MAF: variants seen among roughly 807,000 people sequenced by gnomAD.
The protein encoded by MAF is MAF bZIP transcription factor, also known as transcription factor Maf.
Under a neutral mutation model 22.0 loss-of-function variants are expected in MAF, and 10 were observed. The ratio of observed to expected loss-of-function variants is 0.45; its 90% CI spans 0.28 to 0.77. The LOEUF (loss-of-function observed/expected upper bound fraction) is 0.77, where lower values mean the gene tolerates loss of function less well. Ranked by LOEUF, MAF falls within the 30% of genes least tolerant of loss-of-function variation. MAF has a pLI of 0.12. For missense variants in MAF, 544 were observed against 548.4 expected, an observed-to-expected ratio of 0.99 and a Z score of 0.08; for synonymous variants, 337 against 255.8, an observed-to-expected ratio of 1.32 and a Z score of -3.03.
At chr16:79,206,252 G>A in the MAF span, 1 of 152,272 alleles carries the variant, frequency 6.6e-6, no homozygotes, top group African/African-American at 2.4e-5. Context: ...CGGCAGAGCA[G>A]GCAGAGAGGC....
chr16:79,231,377 T>C, the MAF span, among the ~76,000 whole-genome samples: 2 of 152,054 alleles, frequency 1.3e-5, no homozygotes, highest in Non-Finnish European at 2.9e-5. Flanking sequence ...ACATCAGATA[T>C]AAACCTGAAA....
downstream of MAF, among the ~76,000 whole-genome samples, chr16:79,584,695 C>T (rs1433707474): frequency 6.6e-6 from 1 of 152,130 alleles, no homozygotes; most frequent in Non-Finnish European, 1.5e-5. Flanking sequence ...ATCGGAACTG[C>T]ATGCACAGAC....
chr16:79,219,329 C>T, the MAF span, among the ~76,000 whole-genome samples: 1 of 152,020 alleles, frequency 6.6e-6, no homozygotes, highest in East Asian at 1.9e-4. Context: ...CACCATTTCC[C>T]GAGTGCTTAC....
chr16:79,431,890 C>G, the MAF span, among the ~76,000 whole-genome samples: 1 of 152,186 alleles, frequency 6.6e-6, no homozygotes, highest in Non-Finnish European at 1.5e-5. Context: ...GGTTGAATTG[C>G]CACCTTTCCC....
chr16:79,406,547 C>G, the MAF span, among the ~76,000 whole-genome samples: 1 of 152,086 alleles, frequency 6.6e-6, no homozygotes, highest in African/African-American at 2.4e-5. Flanking sequence ...CCCAGGGCCT[C>G]TTTTAGAAAG....
At chr16:79,391,877 G>A in the MAF span, among the ~76,000 whole-genome samples, 1 of 130,404 alleles carries the variant, frequency 7.7e-6, no homozygotes, top group African/African-American at 2.6e-5. Context: ...AGGAGAAGGA[G>A]GAGGAGGAGG....
chr16:79,275,694 T>A, the MAF span, among the ~76,000 whole-genome samples: 1 of 152,208 alleles, frequency 6.6e-6, no homozygotes, highest in African/African-American at 2.4e-5. Flanking sequence ...TTGGAAAATA[T>A]GGTCAATGAA....
the MAF span, among the ~76,000 whole-genome samples, chr16:79,237,159 A>T: frequency 6.6e-6 from 1 of 152,072 alleles, no homozygotes; most frequent in Non-Finnish European, 1.5e-5. Flanking sequence ...TACAGATGAA[A>T]TAATAATTTT....
chr16:79,259,455 G>C, the MAF span, among the ~76,000 whole-genome samples: 4 of 152,102 alleles, frequency 2.6e-5, no homozygotes, highest in South Asian at 4.1e-4. Flanking sequence ...TTATGTCTTT[G>C]TTTGATTACT....
chr16:79,255,495 T>C, the MAF span, among the ~76,000 whole-genome samples: 1 of 152,228 alleles, frequency 6.6e-6, no homozygotes, highest in African/African-American at 2.4e-5. Context: ...CTGATCTCCA[T>C]GCTTTTATAT....
the MAF span, among the ~76,000 whole-genome samples, chr16:79,493,674 A>G: frequency 9.2e-5 from 14 of 152,232 alleles, no homozygotes; most frequent in Non-Finnish European, 1.6e-4. Context: ...TTATTTCACT[A>G]AGAAGACAAA....
the MAF span, among the ~76,000 whole-genome samples, chr16:79,467,982 G>C: frequency 1.1e-4 from 16 of 152,010 alleles, no homozygotes; most frequent in Non-Finnish European, 7.4e-5. Flanking sequence ...TCTCCAAATT[G>C]CAAAAACATT....
the MAF span, among the ~76,000 whole-genome samples, chr16:79,422,833 T>C: frequency 6.6e-6 from 1 of 152,208 alleles, no homozygotes; most frequent in African/African-American, 2.4e-5. Flanking sequence ...ACTAATCTTA[T>C]GAACACTCAG....
chr16:79,421,997 C>T, the MAF span, among the ~76,000 whole-genome samples: 36 of 152,250 alleles, frequency 2.4e-4, no homozygotes, highest in African/African-American at 7.7e-4. Context: ...AGGCTGGTCT[C>T]GAACTCCTGA....
At chr16:79,295,986 C>T in the MAF span, among the ~76,000 whole-genome samples, 1 of 152,218 alleles carries the variant, frequency 6.6e-6, no homozygotes, top group Non-Finnish European at 1.5e-5. Flanking sequence ...GTAAGCTAGA[C>T]CTGCCTTAAG....
At chr16:79,406,343 T>C in the MAF span, among the ~76,000 whole-genome samples, 1 of 152,194 alleles carries the variant, frequency 6.6e-6, no homozygotes, top group Non-Finnish European at 1.5e-5. Context: ...TGGGCTGCTA[T>C]ACCAGGATAT....
At chr16:79,439,818 G>C in the MAF span, among the ~76,000 whole-genome samples, 1 of 152,204 alleles carries the variant, frequency 6.6e-6, no homozygotes, top group African/African-American at 2.4e-5. Flanking sequence ...TCACGGGATG[G>C]AAACGACCGA....
the MAF span, among the ~76,000 whole-genome samples, chr16:79,568,497 C>T: frequency 6.6e-6 from 1 of 152,200 alleles, no homozygotes; most frequent in Non-Finnish European, 1.5e-5. Flanking sequence ...CTCAACATTT[C>T]ACTTCACCAA....
At chr16:79,518,126 G>T in the MAF span, among the ~76,000 whole-genome samples, 1 of 152,208 alleles carries the variant, frequency 6.6e-6, no homozygotes, top group Admixed American at 6.5e-5. Flanking sequence ...CTATGACACA[G>T]CCCACAGTAT....
Sources: gnomAD v4.1 joint callset for allele counts (sites outside exome capture counted in the v4.1 genomes callset) on GRCh38, gnomAD v4.1.1 for gene constraint, MANE v1.5 for transcripts, NCBI Gene and HGNC (gene_info 2026-07-23, HGNC 2026-07-21) for gene names.